MUC5B: variants seen among roughly 807,000 people sequenced by gnomAD.
The protein encoded by MUC5B is mucin 5B, oligomeric mucus/gel-forming, also known as mucin-5B.
In MUC5B, 116 loss-of-function variants were observed where a neutral mutation model predicts 376.9. The observed-to-expected ratio is 0.31, with a 90% CI of 0.26 to 0.36. The LOEUF is 0.36. Ranked by LOEUF, MUC5B falls within the 10% of genes least tolerant of loss-of-function variation. The pLI, the probability that MUC5B is intolerant of heterozygous loss-of-function variation, is 1.00. For missense variants in MUC5B, 7,165 were observed against 7,769.9 expected, an observed-to-expected ratio of 0.92 and a Z score of 2.93; for synonymous variants, 3,517 against 3,390.9, an observed-to-expected ratio of 1.04 and a Z score of -1.29.
At position 1,236,446 on chromosome 11, in the gene MUC5B, G is replaced by A. The variant is rs1365221737; in HGVS notation, c.2941G>A (p.Asp981Asn). 1 of 1,612,754 alleles carries A rather than the reference G, an allele frequency of 6.2e-7. No homozygotes were observed. The highest frequency in any genetic ancestry group is 1.1e-5 in the South Asian group (1 of 91,072). Residue 981 changes from aspartate (D) to asparagine (N), a missense_variant, in exon 24 of 49, where the codon GAC (aspartate) becomes AAC (asparagine). Asp to Asn is a conservative substitution (Grantham distance 23). Around this residue, in one of 31 missense-constraint regions of MUC5B, gnomAD observed 530 missense variants for 604.0 expected, o/e 0.88. Coordinates refer to ENST00000529681, the MANE Select transcript of MUC5B (RefSeq NM_002458.3). ...GGCGGTGGCGAGAGGGCCGGGTGGGGACCCACCCTACAAGATACGCTACAT... is the reference window on the plus strand; with the variant it reads ...GGCGGTGGCGAGAGGGCCGGGTGGGAACCCACCCTACAAGATACGCTACAT... ...FKAVARGPGGDPPYKIRYMGI... is the reference protein window; with the variant it reads ...FKAVARGPGGNPPYKIRYMGI...
chr11:1,228,615 G>A lies in MUC5B; in HGVS notation c.826G>A (p.Ala276Thr), dbSNP rs1206614218. 1.9e-5 allele frequency: 29 copies of A among 1,533,334 alleles called. No individual in the cohort carries two copies. The highest frequency in any genetic ancestry group is 2.3e-4 in the Middle Eastern group (1 of 4,396). The allele number at this position is 1,533,334 out of a possible 1,614,324, so 95.0% of individuals were successfully genotyped here. A position where few individuals can be genotyped will look rare whatever the true frequency, so the allele number is the denominator to read the frequency against. ...GGGGCCGGCCTTTGCGGAGTGCCAC[G>A]CACTGGTGGACAGCACTGCGTACCT... ...LLGPAFAECH[A>T]LVDSTAYLAA... Residue 276 changes from alanine (A) to threonine (T), a missense_variant, in exon 8 of 49, where the codon GCA becomes ACA. Transcript: ENST00000529681.
chr11:1,253,942 A>C lies in MUC5B; in HGVS notation c.15218-150A>C, dbSNP rs1862766614. On this transcript the variant is annotated intron_variant, in intron 33 of 48. Transcript: ENST00000529681. The surrounding 1 kb of genome is among the most constrained non-coding windows in gnomAD (Gnocchi z 4.3). Reference sequence around the variant, plus strand: ...TGGGGGACCCCATTCTACACACTGGACCCATTTTTATAGACGAGGCAGCTG... The same window carrying C: ...TGGGGGACCCCATTCTACACACTGGCCCCATTTTTATAGACGAGGCAGCTG... 7 of 1,078,534 alleles carry C rather than the reference A, an allele frequency of 6.5e-6. No individual in the cohort carries two copies. Among genetic ancestry groups the C allele is most frequent in the Non-Finnish European group, 9.2e-6 (7 of 763,372 alleles). The allele number at this position is 1,078,534 out of a possible 1,614,324, so 66.8% of individuals were successfully genotyped here.
rs1256615076 is a variant in MUC5B, at chr11:1,255,520, T to C, written c.16028T>C (p.Val5343Ala). ...AYAELCRARG[V>A]CSDWRGATGG... is the part of the protein sequence containing the mutation. ...GCAGAGCTCTGCCGCGCCCGGGGAG[T>C]GTGCAGTGACTGGCGAGGTGCAACC... The change falls in exon 37 of 49, where the codon GTG becomes GCG. Residue 5343 changes from valine (V) to alanine (A), a missense_variant. Coordinates refer to ENST00000529681, the MANE Select transcript of MUC5B (RefSeq NM_002458.3). 3.2e-6 allele frequency: 5 copies of C among 1,546,114 alleles called. No homozygotes were observed. The South Asian group carries it at 3.6e-5, about 11-fold the overall frequency.
chr11:1,235,104 TG>T lies in MUC5B; in HGVS notation c.2653del (p.Glu885SerfsTer80). On this transcript the variant is annotated frameshift_variant, in exon 22 of 49. Coordinates refer to ENST00000529681, the MANE Select transcript of MUC5B (RefSeq NM_002458.3). LOFTEE classifies it high-confidence loss of function. Reference protein sequence around the residue: ...CNTCTCRNRRWECSHRLCLGT... With the variant: ...CNTCTCRNRRXECSHRLCLGT... ...TTGCAGCACCTGCAGGAACCGGAGG[TG>T]GGAGTGCAGCCACCGGCTCTGCCTG... 6.2e-7 allele frequency: 1 copy of T among 1,610,640 alleles called. No individual in the cohort carries two copies. The highest frequency in any genetic ancestry group is 8.5e-7 in the Non-Finnish European group (1 of 1,178,736).
In MUC5B at chr11:1,246,340, C is replaced by G. The variant is rs1862466406; in HGVS notation, c.9460C>G (p.Pro3154Ala). 1.9e-6 allele frequency: 3 copies of G among 1,602,680 alleles called. No homozygotes were observed. Among genetic ancestry groups the G allele is most frequent in the Admixed American group, 1.7e-5 (1 of 59,262 alleles). The change falls in exon 31 of 49, where the codon CCG becomes GCG. Residue 3154 changes from proline (P) to alanine (A), a missense_variant. Pro to Ala is a conservative substitution (Grantham distance 27). This residue lies in a region of MUC5B where 939 missense variants were observed against 770.6 expected (regional missense o/e 1.22). Coordinates refer to ENST00000529681, the MANE Select transcript of MUC5B (RefSeq NM_002458.3). ...TTAATGPTAT[P>A]SSTPGTTWIL... ...TGCAGCCACTGGCCCCACGGCCACC[C>G]CGTCCTCCACCCCAGGGACCACCTG...
At position 1,246,052 on chromosome 11, in the gene MUC5B, G is replaced by T. The variant is rs1158058611; in HGVS notation, c.9172G>T (p.Ala3058Ser). 4.3e-6 allele frequency: 7 copies of T among 1,612,818 alleles called. No homozygotes were observed. The highest frequency in any genetic ancestry group is 5.9e-6 in the Non-Finnish European group (7 of 1,179,496). The change falls in exon 31 of 49, where the codon GCC (alanine) becomes TCC (serine). Residue 3058 changes from alanine to serine, a missense_variant. Physicochemically the swap from Ala to Ser is moderately conservative, Grantham distance 99. Coordinates refer to ENST00000529681, the MANE Select transcript of MUC5B (RefSeq NM_002458.3). ...ATTLPVLTSTATKSTATSFTP... is the reference protein window; with the variant it reads ...ATTLPVLTSTSTKSTATSFTP... The stretch of plus-strand genomic sequence containing the variant: ...CACCCTTCCAGTGCTGACAAGCACA[G>T]CCACCAAATCCACAGCTACCAGCTT...
chr11:1,229,376 G>A (rs969762348), intron 9 of MUC5B, 81 bp downstream of exon 9: 1 of 1,407,602 alleles, frequency 7.1e-7, no homozygotes. Context: ...ATCAGGCGTG[G>A]AAGCAGAGCC....
Position 1,233,205 on chromosome 11 carries a change from C to G in MUC5B, c.2258C>G (p.Pro753Arg). 1 of 1,601,568 alleles carries G rather than the reference C, an allele frequency of 6.2e-7. No homozygotes were observed. The highest frequency in any genetic ancestry group is 2.2e-5 in the East Asian group (1 of 44,688). Reference protein sequence around the residue: ...AGACVPAQECPCYAHGTVLAP... With the variant: ...AGACVPAQECRCYAHGTVLAP... ...GCCTGTGTGCCCGCCCAGGAGTGCC[C>G]CTGCTACGCTCACGGCACCGTGCTG... Residue 753 changes from proline (P) to arginine (R), a missense_variant, in exon 18 of 49, where the codon CCC becomes CGC. By Grantham distance (103) the Pro-to-Arg change is moderately radical. This residue lies in a region of MUC5B where 530 missense variants were observed against 604.0 expected (regional missense o/e 0.88). Coordinates refer to ENST00000529681, the MANE Select transcript of MUC5B (RefSeq NM_002458.3).
At chr11:1,229,666 C>T (rs1340689805) in intron 9 of MUC5B, 24 bp from the exon 10 acceptor site, 1 of 1,534,898 alleles carries the variant, frequency 6.5e-7, no homozygotes, top group East Asian at 2.4e-5. Context: ...ATGGGCCGGC[C>T]CTGCCTCACG....
Position 1,249,784 on chromosome 11 carries a change from C to T in MUC5B, c.12904C>T (p.Pro4302Ser). The T allele has an allele frequency of 6.2e-7, 1 of 1,613,450 alleles. No homozygotes were observed. The highest frequency in any genetic ancestry group is 8.5e-7 in the Non-Finnish European group (1 of 1,179,674). ...TSSKATSSSS[P>S]RTATTLPVLT... ...TTCCAAAGCCACTTCCTCCTCCAGTCCAAGGACTGCAACCACCCTTCCAGT... is the reference window on the plus strand; with the variant it reads ...TTCCAAAGCCACTTCCTCCTCCAGTTCAAGGACTGCAACCACCCTTCCAGT... The change falls in exon 31 of 49, where the codon CCA (proline) becomes TCA (serine). Residue 4302 changes from proline to serine, a missense_variant. Around this residue, in one of 31 missense-constraint regions of MUC5B, gnomAD observed 431 missense variants for 390.4 expected, o/e 1.10. Transcript: ENST00000529681.
chr11:1,251,120 C>G lies in MUC5B; in HGVS notation c.14240C>G (p.Ala4747Gly). The G allele has an allele frequency of 1.2e-6, 2 of 1,611,424 alleles. 1 individual carries two copies. Among genetic ancestry groups the G allele is most frequent in the Non-Finnish European group, 1.7e-6 (2 of 1,178,304 alleles). ...VLTSTATKST[A>G]TSFTPIPSST... Reference sequence around the variant, plus strand: ...ACAAGCACAGCCACAAAATCCACAGCTACCAGCTTTACACCCATCCCCTCC... The same window carrying G: ...ACAAGCACAGCCACAAAATCCACAGGTACCAGCTTTACACCCATCCCCTCC... Residue 4747 changes from alanine to glycine, a missense_variant, in exon 31 of 49, where the codon GCT becomes GGT. Coordinates refer to ENST00000529681, the MANE Select transcript of MUC5B (RefSeq NM_002458.3).
In MUC5B at chr11:1,248,439, C is replaced by A; in HGVS notation, c.11559C>A (p.Pro3853=). 2 of 1,610,692 alleles carry A rather than the reference C, an allele frequency of 1.2e-6. No individual in the cohort carries two copies. The highest frequency in any genetic ancestry group is 1.7e-6 in the Non-Finnish European group (2 of 1,177,990). ...TTRATGSVAT[P]SSTPGTAHTT... ...GGGCCACCGGCTCTGTGGCCACCCCCTCTTCCACCCCAGGAACAGCTCACA... is the reference window on the plus strand; with the variant it reads ...GGGCCACCGGCTCTGTGGCCACCCCATCTTCCACCCCAGGAACAGCTCACA... Residue 3853 remains proline (P), a synonymous_variant, in exon 31 of 49, where the codon CCC becomes CCA. Transcript: ENST00000529681.
Position 1,257,994 on chromosome 11 carries a change from G to A in MUC5B, c.16451-105G>A, listed in dbSNP as rs1862889445. On this transcript the variant is annotated intron_variant, in intron 41 of 48. Coordinates refer to ENST00000529681, the MANE Select transcript of MUC5B (RefSeq NM_002458.3). The surrounding 1 kb of genome is among the most constrained non-coding windows in gnomAD (Gnocchi z 8.9). ...GGAGGGAGCCCCCAGGGGCTGTGAA[G>A]CGGTCAGGTCCTCGGGGAAAAGCAC... The A allele has an allele frequency of 1.7e-6, 2 of 1,186,244 alleles. No individual in the cohort carries two copies. The highest frequency in any genetic ancestry group is 2.9e-5 in the South Asian group (2 of 68,760). The allele number at this position is 1,186,244 out of a possible 1,614,324, so 73.5% of individuals were successfully genotyped here.
chr11:1,257,460 G>T lies in MUC5B; in HGVS notation c.16270-70G>T. The T allele has an allele frequency of 6.4e-7, 1 of 1,557,476 alleles. No homozygotes were observed. The highest frequency in any genetic ancestry group is 2.3e-5 in the East Asian group (1 of 43,670). On this transcript the variant is annotated intron_variant, in intron 40 of 48. Coordinates refer to ENST00000529681, the MANE Select transcript of MUC5B (RefSeq NM_002458.3). This position sits in a 1 kb window ranked among gnomAD's most constrained non-coding sequence, Gnocchi z 8.9. ...GGGTACCAGCCCGAGGGAGGGGGTGGCTGGACAGATGCCCAGGGTTGACCT... is the reference window on the plus strand; with the variant it reads ...GGGTACCAGCCCGAGGGAGGGGGTGTCTGGACAGATGCCCAGGGTTGACCT...
chr11:1,238,831 C>G, intron 25 of MUC5B, 40 bp from the exon 26 acceptor site: 1 of 1,534,326 alleles, frequency 6.5e-7, no homozygotes, highest in Non-Finnish European at 8.8e-7. Context: ...GCCGGGGGGG[C>G]CATTGTCCCG....
At position 1,240,357 on chromosome 11, in the gene MUC5B, G is replaced by A; in HGVS notation, c.3952G>A (p.Val1318Ile). The A allele has an allele frequency of 6.2e-7, 1 of 1,601,774 alleles. No individual in the cohort carries two copies. Among genetic ancestry groups the A allele is most frequent in the Non-Finnish European group, 8.5e-7 (1 of 1,171,422 alleles). Residue 1318 changes from valine (V) to isoleucine (I), a missense_variant, in exon 30 of 49, where the codon GTC (valine) becomes ATC (isoleucine). Around this residue, in one of 31 missense-constraint regions of MUC5B, gnomAD observed 517 missense variants for 545.3 expected, o/e 0.95. Transcript: ENST00000529681. ...TTPFTFTTAWVPHSTTSPALP... is the reference protein window; with the variant it reads ...TTPFTFTTAWIPHSTTSPALP... ...GCCATTCACCTTCACCACCGCCTGG[G>A]TCCCCCACTCCACGACAAGTAAGCC...
At position 1,244,123 on chromosome 11, in the gene MUC5B, C is replaced by A; in HGVS notation, c.7243C>A (p.Pro2415Thr). ...RVFCCNYGHC[P>T]STPATSSTAM... ...GTTCTGCTGCAACTACGGCCACTGCCCCAGCACCCCGGCCACCAGCTCTAC... is the reference window on the plus strand; with the variant it reads ...GTTCTGCTGCAACTACGGCCACTGCACCAGCACCCCGGCCACCAGCTCTAC... Residue 2415 changes from proline (P) to threonine (T), a missense_variant, in exon 31 of 49, where the codon CCC becomes ACC. By Grantham distance (38) the Pro-to-Thr change is conservative (BLOSUM62 -1). Around this residue, in one of 31 missense-constraint regions of MUC5B, gnomAD observed 194 missense variants for 268.5 expected, o/e 0.72. Transcript: ENST00000529681. 6.2e-7 allele frequency: 1 copy of A among 1,611,468 alleles called. No homozygotes were observed. Among genetic ancestry groups the A allele is most frequent in the Non-Finnish European group, 8.5e-7 (1 of 1,178,906 alleles).
chr11:1,249,094 A>C lies in MUC5B; in HGVS notation c.12214A>C (p.Ser4072Arg). The change falls in exon 31 of 49, where the codon AGC (serine) becomes CGC (arginine). Residue 4072 changes from serine (S) to arginine (R), a missense_variant. This residue lies in a region of MUC5B where 85 missense variants were observed against 78.2 expected (regional missense o/e 1.09). Coordinates refer to ENST00000529681, the MANE Select transcript of MUC5B (RefSeq NM_002458.3). Reference protein sequence around the residue: ...STPALSSPHPSSRTTESPPSP... With the variant: ...STPALSSPHPRSRTTESPPSP... Reference sequence around the variant, plus strand: ...TCCAGCCCTGTCCAGCCCTCACCCTAGCAGCAGGACCACCGAGTCACCCCC... The same window carrying C: ...TCCAGCCCTGTCCAGCCCTCACCCTCGCAGCAGGACCACCGAGTCACCCCC... 6.2e-7 allele frequency: 1 copy of C among 1,607,912 alleles called. No individual in the cohort carries two copies.
chr11:1,261,173 G>C (rs55636139), intron 48 of MUC5B, among the ~76,000 whole-genome samples: 1 of 152,234 alleles, frequency 6.6e-6, no homozygotes, highest in Admixed American at 6.5e-5. Flanking sequence ...GGAAGTGCAG[G>C]CCACAGAAGA....
Sources: allele counts gnomAD v4.1 joint callset (sites outside exome capture counted in the v4.1 genomes callset), GRCh38; gene constraint gnomAD v4.1.1; regional missense constraint gnomAD v4.1.1; non-coding constraint Gnocchi (gnomAD v3.1); transcripts MANE v1.5; gene names NCBI Gene and HGNC (gene_info 2026-07-23, HGNC 2026-07-21).